LIN28B: variants seen among roughly 807,000 people sequenced by gnomAD.
The protein encoded by LIN28B is lin-28 RNA binding posttranscriptional regulator B, also known as protein lin-28 homolog B.
Under a neutral mutation model 21.9 loss-of-function variants are expected in LIN28B, and 5 were observed. The ratio of observed to expected loss-of-function variants is 0.23; its 90% CI spans 0.12 to 0.48. LIN28B has a LOEUF of 0.48. LIN28B is among the 20% of genes least tolerant of loss of function. The pLI, the probability that LIN28B is intolerant of heterozygous loss-of-function variation, is 0.98. For missense variants in LIN28B, 245 were observed against 310.5 expected, an observed-to-expected ratio of 0.79 and a Z score of 1.58; for synonymous variants, 109 against 111.3, an observed-to-expected ratio of 0.98 and a Z score of 0.13.
chr6:105,014,064 T>G (rs1770978083), intron 2 of LIN28B, among the ~76,000 whole-genome samples: 1 of 152,210 alleles, frequency 6.6e-6, no homozygotes, highest in Non-Finnish European at 1.5e-5. Flanking sequence ...ATGTTCCTAT[T>G]ATTTTCTTCT....
At chr6:105,023,274 T>A (rs1212563871) in intron 2 of LIN28B, among the ~76,000 whole-genome samples, 1 of 46,060 alleles carries the variant, frequency 2.2e-5, no homozygotes, top group East Asian at 8.2e-4. Context: ...TTATTTATTA[T>A]TATATATATA....
intron 3 of LIN28B, chr6:104,950,654 A>C: frequency 2.4e-6 from 1 of 421,970 alleles, no homozygotes. Context: ...GTCCTCCTAT[A>C]CTTCGTCCTG....
intron 2 of LIN28B, among the ~76,000 whole-genome samples, chr6:105,013,645 A>G (rs1178089564): frequency 6.6e-6 from 1 of 151,386 alleles, no homozygotes; most frequent in African/African-American, 2.4e-5. Flanking sequence ...TGGGAGGATT[A>G]CCAGGAAGTT....
At chr6:105,004,204 G>C (rs1176853776) in intron 2 of LIN28B, among the ~76,000 whole-genome samples, 1 of 152,064 alleles carries the variant, frequency 6.6e-6, no homozygotes, top group Non-Finnish European at 1.5e-5. Context: ...CCAGATTAAG[G>C]GTGGGTCTGC....
chr6:105,004,198 A>G (rs1008038906), intron 2 of LIN28B, among the ~76,000 whole-genome samples: 1 of 152,182 alleles, frequency 6.6e-6, no homozygotes, highest in Non-Finnish European at 1.5e-5. Context: ...GACCACCCAG[A>G]TTAAGGGTGG....
At chr6:104,958,971 C>T (rs1030097030) in intron 2 of LIN28B, among the ~76,000 whole-genome samples, 3 of 152,128 alleles carry the variant, frequency 2.0e-5, no homozygotes, top group African/African-American at 7.2e-5. Flanking sequence ...TGGCCAGAGG[C>T]GGCTCTTGCT....
intron 2 of LIN28B, among the ~76,000 whole-genome samples, chr6:105,021,029 A>C (rs1771130378): frequency 6.6e-6 from 1 of 152,138 alleles, no homozygotes; most frequent in Non-Finnish European, 1.5e-5. Context: ...TGCTGGGATT[A>C]CAAGCGTGAG....
At chr6:105,063,310 A>G (rs879585245) in intron 3 of LIN28B, among the ~76,000 whole-genome samples, 2 of 152,132 alleles carry the variant, frequency 1.3e-5, no homozygotes, top group African/African-American at 4.8e-5. Flanking sequence ...GCTGTGTTCA[A>G]TGTAAGGTTA....
At chr6:105,030,792 C>A (rs2114348789) in intron 3 of LIN28B, among the ~76,000 whole-genome samples, 1 of 151,908 alleles carries the variant, frequency 6.6e-6, no homozygotes. Flanking sequence ...GATGGGTTTT[C>A]ACCATGTTGG....
intron 1 of LIN28B, among the ~76,000 whole-genome samples, 187 bp downstream of exon 1, chr6:104,957,447 T>A (rs1037746763): frequency 6.6e-6 from 1 of 150,706 alleles, no homozygotes; most frequent in East Asian, 2.0e-4. Flanking sequence ...TCCAAAAATG[T>A]TTTGTACCGC....
intron 3 of LIN28B, among the ~76,000 whole-genome samples, chr6:105,052,733 A>G (rs1002490888): frequency 2.0e-4 from 31 of 152,176 alleles, no homozygotes; most frequent in Admixed American, 9.8e-4. Context: ...ACATACCAAT[A>G]TTCCCTTTTT....
At chr6:105,045,284 GTTT>G (rs57205680) in intron 3 of LIN28B, among the ~76,000 whole-genome samples, 3 of 116,846 alleles carry the variant, frequency 2.6e-5, no homozygotes, top group Non-Finnish European at 5.3e-5. Flanking sequence ...ATGTCATTCT[GTTT>G]TTTTTTTTTT....
intron 2 of LIN28B, among the ~76,000 whole-genome samples, chr6:104,967,270 A>G (rs768770070): frequency 6.6e-6 from 1 of 152,032 alleles, no homozygotes; most frequent in Non-Finnish European, 1.5e-5. Context: ...ATTGATGTTC[A>G]TATGTCTTGT....
intron 3 of LIN28B, 94 bp downstream of exon 3, chr6:105,026,576 C>A: frequency 5.4e-6 from 4 of 747,056 alleles, no homozygotes; most frequent in East Asian, 2.6e-5. Context: ...TATTGTCTAG[C>A]CAAAGGAAAC....
chr6:105,071,222 T>C (rs1772327964), intron 3 of LIN28B, among the ~76,000 whole-genome samples: 2 of 152,154 alleles, frequency 1.3e-5, no homozygotes, highest in Non-Finnish European at 1.5e-5. Flanking sequence ...CTTATAATCA[T>C]GTCTAATGTC....
At chr6:105,030,326 G>C (rs1278241680) in intron 3 of LIN28B, among the ~76,000 whole-genome samples, 3 of 152,108 alleles carry the variant, frequency 2.0e-5, no homozygotes, top group Non-Finnish European at 4.4e-5. Context: ...GGCATGATTT[G>C]CTCCCCAAAT....
At chr6:105,031,771 G>C (rs759662484) in intron 3 of LIN28B, among the ~76,000 whole-genome samples, 1 of 151,980 alleles carries the variant, frequency 6.6e-6, no homozygotes, top group African/African-American at 2.4e-5. Flanking sequence ...TCCTGACCTC[G>C]TGATCCGCCC....
At chr6:105,078,170 CT>C (rs1416306340) in intron 3 of LIN28B, among the ~76,000 whole-genome samples, 3 of 152,116 alleles carry the variant, frequency 2.0e-5, no homozygotes, top group African/African-American at 7.2e-5. Flanking sequence ...TGTTTTAATA[CT>C]CTTGTTTTTC....
intron 2 of LIN28B, among the ~76,000 whole-genome samples, chr6:105,015,197 C>T (rs1379910740): frequency 2.6e-5 from 4 of 152,144 alleles, no homozygotes; most frequent in African/African-American, 4.8e-5. Context: ...ATTTGTGCAT[C>T]TCAAAGCTCT....
Sources: gnomAD v4.1 joint callset for allele counts (sites outside exome capture counted in the v4.1 genomes callset) on GRCh38, gnomAD v4.1.1 for gene constraint, MANE v1.5 for transcripts, NCBI Gene and HGNC (gene_info 2026-07-23, HGNC 2026-07-21) for gene names.